Variants in RDH16 observed in about 807,000 individuals in gnomAD.
RDH16 encodes the protein retinol dehydrogenase 16.
RDH16 carries 25 observed loss-of-function variants against 22.3 expected under a neutral mutation model. The ratio of observed to expected loss-of-function variants is 1.12; its 90% CI spans 0.82 to 1.56. The LOEUF is 1.56. Ranked by LOEUF, RDH16 falls within the 40% of genes most tolerant of loss-of-function variation. RDH16 has a pLI of 0.00. For missense variants in RDH16, 413 were observed against 394.9 expected (o/e 1.05, Z -0.39); for synonymous variants, 154 against 164.4 (o/e 0.94, Z 0.48).
Position 56,955,169 on chromosome 12 carries a change from G to A in RDH16, c.314-5C>T, listed in dbSNP as rs897409295. ...TATTCACCAGGCCCCAGAGTCCTGG[G>A]ACAGTGGGAAGATGAGAGAGCATCA... On this transcript the variant is annotated splice_region_variant and splice_polypyrimidine_tract_variant and intron_variant, in intron 1 of 3. Transcript: ENST00000398138. 6.2e-6 allele frequency: 10 copies of A among 1,613,806 alleles called. No homozygotes were observed. The African/African-American group carries it at 1.2e-4, about 19-fold the overall frequency.
intron 2 of RDH16, among the ~76,000 whole-genome samples, chr12:56,953,354 C>A (rs1955900302): frequency 6.6e-6 from 1 of 152,208 alleles, no homozygotes; most frequent in Admixed American, 6.5e-5. Context: ...CCAGGAATCT[C>A]CCTGGCCTCT....
At chr12:56,956,061 A>G (rs994950194) in intron 1 of RDH16, among the ~76,000 whole-genome samples, 3 of 152,136 alleles carry the variant, frequency 2.0e-5, no homozygotes, top group African/African-American at 7.2e-5. Context: ...GCAGTTGTTG[A>G]TCTGGAAGGG....
chr12:56,951,995 C>G lies in RDH16; in HGVS notation c.*34G>C. The stretch of plus-strand genomic sequence containing the variant: ...GATACACCACCCCTCATAGCACACC[C>G]CAAATCCATGCAACCATGCATCCAA... On this transcript the variant is annotated 3_prime_UTR_variant, in exon 4 of 4. Transcript: ENST00000398138. 6.3e-7 allele frequency: 1 copy of G among 1,597,570 alleles called. No homozygotes were observed. Among genetic ancestry groups the G allele is most frequent in the Non-Finnish European group, 8.6e-7 (1 of 1,165,636 alleles).
chr12:56,953,065 TATG>T (rs1162708999), intron 2 of RDH16, 75 bp from the exon 3 acceptor site: 2 of 1,349,176 alleles, frequency 1.5e-6, no homozygotes, highest in Non-Finnish European at 2.0e-6. Context: ...AAAGTAAAAC[TATG>T]ATATCACAAC....
intron 1 of RDH16, 102 bp from the exon 2 acceptor site, chr12:56,955,266 C>G (rs988602997): frequency 1.9e-5 from 26 of 1,399,358 alleles, no homozygotes; most frequent in Middle Eastern, 1.8e-4. Context: ...GGCAGACTGA[C>G]AGGTGTGGGA....
chr12:56,955,059 C>G lies in RDH16; in HGVS notation c.419G>C (p.Gly140Ala), dbSNP rs200375298. Residue 140 changes from glycine to alanine, a missense_variant, in exon 2 of 4, where the codon GGG (glycine) becomes GCG (alanine). Transcript: ENST00000398138. ...FVTILDVNLL[G>A]VIDVTLSLLP... The stretch of plus-strand genomic sequence containing the variant: ...CAGGCTCAGAGTCACATCAATCACC[C>G]CCAACAAGTTCACGTCCAGTATGGT... The G allele has an allele frequency of 1.2e-4, 189 of 1,614,052 alleles. 2 individuals carry two copies. The highest frequency in any genetic ancestry group is 1.6e-4 in the Middle Eastern group (1 of 6,084).
rs772949204 is a variant in RDH16, at chr12:56,952,987, C to T, written c.576G>A (p.Arg192=). The change falls in exon 3 of 4, where the codon AGG becomes AGA. Residue 192 remains arginine (R), a synonymous_variant. Transcript: ENST00000398138. The part of the protein sequence containing the change: ...GVEAFSDSLR[R]ELSYFGVKVA... ...CCTTCACCCCAAAGTAGGAGAGTTC[C>T]CTCCTGCAAGACAGAGAAGCAGAGG... 1.2e-6 allele frequency: 2 copies of T among 1,610,134 alleles called. No individual in the cohort carries two copies. The highest frequency in any genetic ancestry group is 2.7e-5 in the African/African-American group (2 of 74,800).
chr12:56,952,395 C>G (rs1248026221), intron 3 of RDH16, 149 bp from the exon 4 acceptor site: 3 of 738,780 alleles, frequency 4.1e-6, no homozygotes, highest in Non-Finnish European at 6.6e-6. Context: ...TCCAAATTCC[C>G]TGAGCTGGAG....
chr12:56,952,237 G>A lies in RDH16; in HGVS notation c.746C>T (p.Ser249Leu). The change falls in exon 4 of 4, where the codon TCA becomes TTA. Residue 249 changes from serine (S) to leucine (L), a missense_variant. Physicochemically the swap from Ser to Leu is moderately radical, Grantham distance 145 (BLOSUM62 -2). Transcript: ENST00000398138. Reference protein sequence around the residue: ...GEKFVADYKKSAEQMEQKCTQ... With the variant: ...GEKFVADYKKLAEQMEQKCTQ... ...GCACTTCTGCTCCATTTGTTCAGCT[G>A]ATTTCTTATCTGTTAAGAATCAGAA... 2 of 1,613,944 alleles carry A rather than the reference G, an allele frequency of 1.2e-6. No homozygotes were observed. Among genetic ancestry groups the A allele is most frequent in the Non-Finnish European group, 1.7e-6 (2 of 1,179,918 alleles).
At chr12:56,957,043 C>T (rs1315685853) in intron 1 of RDH16, 107 bp downstream of exon 1, 13 of 1,166,250 alleles carry the variant, frequency 1.1e-5, no homozygotes, top group South Asian at 1.5e-5. Flanking sequence ...GCTACTGTTA[C>T]TTCAACCTGG....
At chr12:56,952,341 C>G in intron 3 of RDH16, 95 bp from the exon 4 acceptor site, 1 of 1,149,530 alleles carries the variant, frequency 8.7e-7, no homozygotes, top group South Asian at 1.5e-5. Flanking sequence ...AGAACTCATG[C>G]CACCCCACAA....
intron 2 of RDH16, among the ~76,000 whole-genome samples, chr12:56,953,299 T>C (rs1202559896): frequency 6.6e-6 from 1 of 152,114 alleles, no homozygotes; most frequent in Non-Finnish European, 1.5e-5. Flanking sequence ...ATTCCCACAT[T>C]TTGCCTCCTC....
intron 1 of RDH16, among the ~76,000 whole-genome samples, chr12:56,955,767 C>T (rs144948587): frequency 8.5e-5 from 13 of 152,152 alleles, no homozygotes; most frequent in African/African-American, 2.6e-4. Context: ...TTATAGAAAG[C>T]ACAGGGGAAT....
At position 56,953,454 on chromosome 12, in the gene RDH16, G is replaced by A. The variant is rs72482267; in HGVS notation, c.573-464C>T. Among the ~76,000 whole-genome samples the A allele has an allele frequency of 6.3e-4, 96 of 152,314 alleles. 1 individual carries two copies. In the East Asian group the frequency reaches 0.017, roughly 27 times the overall value. On this transcript the variant is annotated intron_variant, in intron 2 of 3. Coordinates refer to ENST00000398138, the MANE Select transcript of RDH16 (RefSeq NM_003708.5). Reference sequence around the variant, plus strand: ...AACCACTGGGCTTCCTGCAGTCAGTGGGAGTCTAGAAGCTGACTGGACCAA... The same window carrying A: ...AACCACTGGGCTTCCTGCAGTCAGTAGGAGTCTAGAAGCTGACTGGACCAA...
chr12:56,954,972 AC>A lies in RDH16; in HGVS notation c.505del (p.Val169CysfsTer31). 6.2e-7 allele frequency: 1 copy of A among 1,614,110 alleles called. No individual in the cohort carries two copies. The highest frequency in any genetic ancestry group is 8.5e-7 in the Non-Finnish European group (1 of 1,180,018). ...VVNVSSVMGRVSLFGGGYCIS... is the reference protein window; with the variant it reads ...VVNVSSVMGRXSLFGGGYCIS... ...GCAGTAGCCTCCACCAAAAAGTGAC[AC>A]CCGGCCCATGACACTGGAGACGTTG... On this transcript the variant is annotated frameshift_variant, in exon 2 of 4. Transcript: ENST00000398138. LOFTEE classifies it high-confidence loss of function.
intron 2 of RDH16, among the ~76,000 whole-genome samples, chr12:56,954,664 A>C (rs1292099118): frequency 6.6e-6 from 1 of 152,188 alleles, no homozygotes; most frequent in African/African-American, 2.4e-5. Flanking sequence ...TCCAGGGAAG[A>C]GGTATCGTTC....
intron 1 of RDH16, 32 bp downstream of exon 1, chr12:56,957,118 C>T: frequency 6.3e-7 from 1 of 1,577,662 alleles, no homozygotes; most frequent in Non-Finnish European, 8.6e-7. Context: ...AGAGGGAAGA[C>T]ACAGACAGAC....
intron 2 of RDH16, 102 bp from the exon 3 acceptor site, chr12:56,953,092 G>A: frequency 9.7e-7 from 1 of 1,026,498 alleles, no homozygotes; most frequent in Non-Finnish European, 1.4e-6. Flanking sequence ...TGAGGACAAT[G>A]GGTAAAATAG....
rs960979609 is a variant in RDH16 at position 56,954,758 on chromosome 12, A to G, written c.572+148T>C. ...AGTGAATGGCCAGCCCAATCCAGAA[A>G]GAGGAAGATGAGGGTGTCACACATG... On this transcript the variant is annotated intron_variant, in intron 2 of 3. Coordinates refer to ENST00000398138, the MANE Select transcript of RDH16 (RefSeq NM_003708.5). 8.1e-5 allele frequency: 73 copies of G among 904,824 alleles called. No homozygotes were observed. The East Asian group carries it at 1.9e-3, about 24-fold the overall frequency. The allele number at this position is 904,824 out of a possible 1,614,324, so 56.0% of individuals were successfully genotyped here. A position where few individuals can be genotyped will look rare whatever the true frequency, so the allele number is the denominator to read the frequency against.
Sources: allele counts gnomAD v4.1 joint callset (sites outside exome capture counted in the v4.1 genomes callset), GRCh38; gene constraint gnomAD v4.1.1; transcripts MANE v1.5; gene names NCBI Gene and HGNC (gene_info 2026-07-23, HGNC 2026-07-21).